NRXN1: variants seen among roughly 807,000 people sequenced by gnomAD.
NRXN1 encodes the protein neurexin 1.
NRXN1 carries 39 observed loss-of-function variants against 150.9 expected under a neutral mutation model. That is an observed-to-expected ratio of 0.26 (90% CI 0.20 to 0.34). The LOEUF is 0.34. NRXN1 is among the 10% of genes least tolerant of loss of function. The pLI is 1.00. For missense variants in NRXN1, 1,815 were observed against 1,949.9 expected, an observed-to-expected ratio of 0.93 and a Z score of 1.30; for synonymous variants, 924 against 757.0, an observed-to-expected ratio of 1.22 and a Z score of -3.62.
chr2:50,667,324 T>C (rs944653731), intron 5 of NRXN1, among the ~76,000 whole-genome samples: 7 of 151,926 alleles, frequency 4.6e-5, no homozygotes, highest in African/African-American at 1.7e-4. Context: ...GCTTCTTCTA[T>C]TAACATTTAG....
intron 2 of NRXN1, among the ~76,000 whole-genome samples, chr2:50,939,996 A>G (rs1689161228): frequency 6.6e-6 from 1 of 152,198 alleles, no homozygotes; most frequent in Non-Finnish European, 1.5e-5. Context: ...AAATTTTTAA[A>G]TGACTTTCTT....
intron 17 of NRXN1, among the ~76,000 whole-genome samples, chr2:50,296,881 C>CTTTT (rs4032054): frequency 2.4e-4 from 27 of 112,942 alleles, no homozygotes; most frequent in South Asian, 3.0e-4. Context: ...TTCTTTCTTT[C>CTTTT]TTTTTTTTTT....
intron 2 of NRXN1, among the ~76,000 whole-genome samples, chr2:51,011,052 G>A (rs1667774952): frequency 6.6e-6 from 1 of 151,950 alleles, no homozygotes; most frequent in Non-Finnish European, 1.5e-5. Context: ...GAGATTACAG[G>A]AATGAGCCAC....
intron 21 of NRXN1, among the ~76,000 whole-genome samples, chr2:49,980,142 G>A (rs904711263): frequency 3.9e-5 from 6 of 152,080 alleles, no homozygotes; most frequent in African/African-American, 1.4e-4. Context: ...GAAAGTCTAC[G>A]ACTACATTTT....
intron 18 of NRXN1, among the ~76,000 whole-genome samples, chr2:50,140,199 C>T (rs1406668164): frequency 6.6e-6 from 1 of 152,106 alleles, no homozygotes; most frequent in Non-Finnish European, 1.5e-5. Flanking sequence ...TTATTATTAA[C>T]ATTGAAATGA....
intron 8 of NRXN1, among the ~76,000 whole-genome samples, chr2:50,598,907 G>A (rs1314125267): frequency 7.9e-5 from 12 of 151,396 alleles, no homozygotes; most frequent in African/African-American, 2.4e-4. Context: ...ACAAGTGCCC[G>A]CCACCACACT....
At chr2:49,934,767 C>G (rs866776566) in intron 22 of NRXN1, among the ~76,000 whole-genome samples, 4 of 152,228 alleles carry the variant, frequency 2.6e-5, no homozygotes, top group Admixed American at 6.5e-5. Context: ...CATTTCTTCT[C>G]TCGAAAGCAC....
chr2:50,810,585 A>C (rs921865995), intron 5 of NRXN1, among the ~76,000 whole-genome samples: 2 of 152,214 alleles, frequency 1.3e-5, no homozygotes, highest in African/African-American at 4.8e-5. Flanking sequence ...TGAGTTCCAC[A>C]CATATATTCA....
chr2:50,357,596 C>A (rs1572664925), intron 17 of NRXN1, among the ~76,000 whole-genome samples: 1 of 152,220 alleles, frequency 6.6e-6, no homozygotes, highest in African/African-American at 2.4e-5. Flanking sequence ...GCATGAGCTA[C>A]CGCGCCCAGG....
intron 2 of NRXN1, among the ~76,000 whole-genome samples, chr2:51,015,622 T>C (rs748951151): frequency 4.6e-5 from 7 of 151,826 alleles, no homozygotes; most frequent in Non-Finnish European, 1.0e-4. Flanking sequence ...AATCAATATA[T>C]AGAGTCATAG....
intron 17 of NRXN1, among the ~76,000 whole-genome samples, chr2:50,418,841 T>C (rs1483083414): frequency 6.6e-6 from 1 of 152,008 alleles, no homozygotes; most frequent in Non-Finnish European, 1.5e-5. Flanking sequence ...GCAAATCCAT[T>C]AATCTACTCT....
intron 5 of NRXN1, among the ~76,000 whole-genome samples, chr2:50,877,852 C>T (rs577372059): frequency 2.0e-5 from 3 of 151,884 alleles, no homozygotes; most frequent in Non-Finnish European, 2.9e-5. Flanking sequence ...AACACAAAAA[C>T]GTTAGAGAAT....
intron 18 of NRXN1, among the ~76,000 whole-genome samples, chr2:50,160,119 T>C (rs1310728561): frequency 6.6e-5 from 10 of 152,076 alleles, no homozygotes; most frequent in Non-Finnish European, 1.3e-4. Context: ...TCATGGCTTT[T>C]TGACATCAAG....
At chr2:50,422,321 G>A (rs185077676) in intron 17 of NRXN1, among the ~76,000 whole-genome samples, 1 of 152,084 alleles carries the variant, frequency 6.6e-6, no homozygotes, top group Non-Finnish European at 1.5e-5. Flanking sequence ...CTATAGCCTA[G>A]AGTAAAAACA....
intron 18 of NRXN1, among the ~76,000 whole-genome samples, chr2:50,107,044 G>T (rs558965033): frequency 6.6e-6 from 1 of 151,838 alleles, no homozygotes; most frequent in African/African-American, 2.4e-5. Flanking sequence ...GCAAAAGCAG[G>T]CAATACTTAA....
intron 17 of NRXN1, among the ~76,000 whole-genome samples, chr2:50,317,484 A>G (rs556320026): frequency 1.3e-5 from 2 of 151,892 alleles, no homozygotes; most frequent in African/African-American, 4.8e-5. Context: ...AATATAAGAG[A>G]CAACAGCTGT....
At chr2:50,482,304 G>T (rs2090535019) in intron 15 of NRXN1, among the ~76,000 whole-genome samples, 1 of 152,170 alleles carries the variant, frequency 6.6e-6, no homozygotes, top group Non-Finnish European at 1.5e-5. Flanking sequence ...CAGTGTGGCA[G>T]ATGGGGTGCG....
At chr2:50,602,717 C>T (rs1195997989) in intron 8 of NRXN1, among the ~76,000 whole-genome samples, 1 of 151,996 alleles carries the variant, frequency 6.6e-6, no homozygotes, top group African/African-American at 2.4e-5. Flanking sequence ...AACATGTATT[C>T]TGGCAAAAAA....
At chr2:50,985,748 C>T (rs979329831) in intron 2 of NRXN1, among the ~76,000 whole-genome samples, 1 of 151,108 alleles carries the variant, frequency 6.6e-6, no homozygotes, top group African/African-American at 2.4e-5. Flanking sequence ...AAATACAGTT[C>T]AAAGGCATGA....
Sources: allele counts gnomAD v4.1 joint callset (sites outside exome capture counted in the v4.1 genomes callset), GRCh38; gene constraint gnomAD v4.1.1; transcripts MANE v1.5; gene names NCBI Gene and HGNC (gene_info 2026-07-23, HGNC 2026-07-21).